INTU: variants seen among roughly 807,000 people sequenced by gnomAD.
INTU encodes the protein inturned planar cell polarity protein.
In INTU, 68 loss-of-function variants were observed where a neutral mutation model predicts 100.5. The ratio of observed to expected loss-of-function variants is 0.68; its 90% CI spans 0.56 to 0.83. The LOEUF (loss-of-function observed/expected upper bound fraction) is 0.83, where lower values mean the gene tolerates loss of function less well. INTU is among the 40% of genes least tolerant of loss of function. The pLI, the probability that INTU is intolerant of heterozygous loss-of-function variation, is 0.00. For missense variants in INTU, 1,071 were observed against 1,114.7 expected (o/e 0.96, Z 0.56); for synonymous variants, 357 against 395.7 (o/e 0.90, Z 1.16).
chr4:127,677,031 G>A (rs1400546237), intron 6 of INTU, among the ~76,000 whole-genome samples: 1 of 152,210 alleles, frequency 6.6e-6, no homozygotes, highest in Non-Finnish European at 1.5e-5. Context: ...CTGCAAGATG[G>A]CAGGGAGGCT....
intron 1 of INTU, among the ~76,000 whole-genome samples, chr4:127,642,280 A>G (rs1727368679): frequency 6.6e-6 from 1 of 152,220 alleles, no homozygotes; most frequent in Non-Finnish European, 1.5e-5. Context: ...GATGCCACAC[A>G]CTGGGAACCA....
rs779080073 is a variant in INTU, at chr4:127,643,904, A to C, written c.530A>C (p.Glu177Ala). The C allele has an allele frequency of 1.5e-5, 25 of 1,614,078 alleles. No homozygotes were observed. The highest frequency in any genetic ancestry group is 2.1e-5 in the Non-Finnish European group (25 of 1,180,026). Residue 177 changes from glutamate to alanine, a missense_variant, in exon 2 of 16, where the codon GAG becomes GCG. Physicochemically the swap from Glu to Ala is moderately radical, Grantham distance 107. Coordinates refer to ENST00000335251, the MANE Select transcript of INTU (RefSeq NM_015693.4). ...PKKLTVIKAK[E>A]QLKLLEVLVG... is the part of the protein sequence containing the mutation. The stretch of plus-strand genomic sequence containing the variant: ...AAGCTAACTGTTATCAAAGCCAAAG[A>C]GCAGCTCAAGCTTCTGGAAGTGCTG...
At chr4:127,660,182 G>A (rs891068017) in intron 3 of INTU, among the ~76,000 whole-genome samples, 2 of 152,120 alleles carry the variant, frequency 1.3e-5, no homozygotes, top group Non-Finnish European at 2.9e-5. Context: ...ACCGGGGATG[G>A]AGGAGGAGAT....
At chr4:127,708,884 C>G (rs1049340310) in intron 13 of INTU, among the ~76,000 whole-genome samples, 2 of 152,262 alleles carry the variant, frequency 1.3e-5, no homozygotes, top group Admixed American at 6.5e-5. Flanking sequence ...AGTAATATTT[C>G]AAAATGTGAA....
intron 7 of INTU, among the ~76,000 whole-genome samples, chr4:127,685,031 A>G (rs1162557875): frequency 6.6e-6 from 1 of 152,068 alleles, no homozygotes; most frequent in East Asian, 1.9e-4. Context: ...AAATTTCTTT[A>G]GTAAAAAATT....
intron 6 of INTU, among the ~76,000 whole-genome samples, chr4:127,679,667 G>C (rs1258923428): frequency 6.6e-6 from 1 of 151,816 alleles, no homozygotes; most frequent in Admixed American, 6.6e-5. Context: ...ATCCAAAATT[G>C]ACACCCTAAC....
chr4:127,658,091 A>C (rs999068898), intron 3 of INTU, among the ~76,000 whole-genome samples: 2 of 152,172 alleles, frequency 1.3e-5, no homozygotes, highest in Non-Finnish European at 2.9e-5. Context: ...ATCTGATTTG[A>C]GATTCTGAAA....
intron 1 of INTU, among the ~76,000 whole-genome samples, chr4:127,639,227 G>A (rs1727203854): frequency 6.6e-6 from 1 of 151,914 alleles, no homozygotes; most frequent in Non-Finnish European, 1.5e-5. Context: ...ATATTGTATT[G>A]TCTGCTTAGT....
At chr4:127,650,899 T>C (rs1189862332) in intron 2 of INTU, among the ~76,000 whole-genome samples, 1 of 152,242 alleles carries the variant, frequency 6.6e-6, no homozygotes, top group East Asian at 1.9e-4. Flanking sequence ...CCCGGCTTTT[T>C]AATGATTGCC....
intron 12 of INTU, 80 bp from the exon 13 acceptor site, chr4:127,708,491 G>A (rs1730975403): frequency 1.4e-6 from 1 of 723,116 alleles, no homozygotes; most frequent in Non-Finnish European, 2.3e-6. Flanking sequence ...TCCCTCAGAA[G>A]GATGTTTAAT....
Position 127,718,795 on chromosome 4 carries a change from T to C in INTU, c.*2359T>C, listed in dbSNP as rs1731305443. On this transcript the variant is annotated 3_prime_UTR_variant, in exon 16 of 16. Coordinates refer to ENST00000335251, the MANE Select transcript of INTU (RefSeq NM_015693.4). ...ATTTGGATCTCTGCTTGCCTGTTGTTGGTGTATAGGAATGCTGGTGACTTC... is the reference window on the plus strand; with the variant it reads ...ATTTGGATCTCTGCTTGCCTGTTGTCGGTGTATAGGAATGCTGGTGACTTC... 1 of 152,168 alleles carries C rather than the reference T, an allele frequency of 6.6e-6. No individual in the cohort carries two copies. Among genetic ancestry groups the C allele is most frequent in the Non-Finnish European group, 1.5e-5 (1 of 68,040 alleles). The allele number at this position is 152,168 out of a possible 1,614,324, so 9.4% of individuals were successfully genotyped here. A position where few individuals can be genotyped will look rare whatever the true frequency, so the allele number is the denominator to read the frequency against.
chr4:127,645,524 ATTG>A (rs140155497), intron 2 of INTU, among the ~76,000 whole-genome samples: 5,788 of 151,670 alleles, frequency 0.038, 370 homozygotes, highest in African/African-American at 0.13. Flanking sequence ...ATGATAAATT[ATTG>A]TTGTTGTTAT....
chr4:127,684,739 A>G (rs1172276169), intron 7 of INTU, among the ~76,000 whole-genome samples: 1 of 137,176 alleles, frequency 7.3e-6, no homozygotes. Flanking sequence ...CTCATCTTTT[A>G]TTACTGGCTT....
chr4:127,642,920 C>T (rs1727395893), intron 1 of INTU, among the ~76,000 whole-genome samples: 1 of 151,362 alleles, frequency 6.6e-6, no homozygotes, highest in African/African-American at 2.4e-5. Context: ...GTGATCATTA[C>T]TATATTAACT....
intron 3 of INTU, 64 bp from the exon 4 acceptor site, chr4:127,663,317 A>T (rs373411625): frequency 8.4e-7 from 1 of 1,197,342 alleles, no homozygotes; most frequent in East Asian, 2.5e-5. Flanking sequence ...CAGATCCTTC[A>T]TTGTGAAAAC....
chr4:127,661,422 G>T (rs186717728), intron 3 of INTU, among the ~76,000 whole-genome samples: 1 of 152,208 alleles, frequency 6.6e-6, no homozygotes, highest in East Asian at 1.9e-4. Flanking sequence ...AGCTGGGAAA[G>T]ATGCCTTCCT....
At chr4:127,714,185 G>T in intron 15 of INTU, 92 bp downstream of exon 15, 1 of 1,025,348 alleles carries the variant, frequency 9.8e-7, no homozygotes, top group Non-Finnish European at 1.4e-6. Context: ...TGTAAGCATG[G>T]AATTTTTTAT....
At chr4:127,665,554 G>A (rs1051506248) in intron 4 of INTU, among the ~76,000 whole-genome samples, 2 of 152,012 alleles carry the variant, frequency 1.3e-5, no homozygotes, top group Non-Finnish European at 2.9e-5. Flanking sequence ...CATCTGGGTA[G>A]GCTACTTGCT....
At chr4:127,715,063 C>T (rs1731221797) in intron 15 of INTU, among the ~76,000 whole-genome samples, 1 of 151,852 alleles carries the variant, frequency 6.6e-6, no homozygotes, top group Non-Finnish European at 1.5e-5. Flanking sequence ...TGTGTGTATA[C>T]ATATATGTAA....
Sources: allele counts gnomAD v4.1 joint callset (sites outside exome capture counted in the v4.1 genomes callset), GRCh38; gene constraint gnomAD v4.1.1; transcripts MANE v1.5; gene names NCBI Gene and HGNC (gene_info 2026-07-23, HGNC 2026-07-21).